EIF4E: variants seen among roughly 807,000 people sequenced by gnomAD.
The protein encoded by EIF4E is eukaryotic translation initiation factor 4E.
For missense variants in EIF4E, 113 were observed against 265.6 expected (o/e 0.43, Z 3.99); for synonymous variants, 71 against 88.5 (o/e 0.80, Z 1.11).
chr4:98,910,790 C>T (rs1288594116), intron 1 of EIF4E, among the ~76,000 whole-genome samples: 1 of 151,570 alleles, frequency 6.6e-6, no homozygotes, highest in Non-Finnish European at 1.5e-5. Flanking sequence ...AGTGCAGTGG[C>T]ATGATCTCGG....
intron 1 of EIF4E, among the ~76,000 whole-genome samples, chr4:98,921,259 A>G (rs1270931750): frequency 6.6e-6 from 1 of 152,216 alleles, no homozygotes; most frequent in East Asian, 1.9e-4. Context: ...TTCTTGCCTT[A>G]GTTAATACTT....
At chr4:98,886,235 C>A in intron 5 of EIF4E, 1 of 205,546 alleles carries the variant, frequency 4.9e-6, no homozygotes, top group Non-Finnish European at 1.0e-5. Flanking sequence ...GTTTCAAGTG[C>A]TAGGGATACA....
chr4:98,879,655 T>G lies in EIF4E; in HGVS notation c.*1373A>C, dbSNP rs1251962212. On this transcript the variant is annotated 3_prime_UTR_variant, in exon 7 of 7. Coordinates refer to ENST00000450253, the MANE Select transcript of EIF4E (RefSeq NM_001968.5). ...TTAATGCATATGTCCCCACCACCTG[T>G]ACTTTCCCTACACTATCATTTTGAC... The G allele has an allele frequency of 6.6e-6, 1 of 150,656 alleles. No individual in the cohort carries two copies. Among genetic ancestry groups the G allele is most frequent in the Admixed American group, 6.6e-5 (1 of 15,136 alleles). The allele number at this position is 150,656 out of a possible 1,614,324, so 9.3% of individuals were successfully genotyped here. A position where few individuals can be genotyped will look rare whatever the true frequency, so the allele number is the denominator to read the frequency against.
At chr4:98,915,065 T>G (rs557519656) in intron 1 of EIF4E, among the ~76,000 whole-genome samples, 2 of 152,310 alleles carry the variant, frequency 1.3e-5, no homozygotes, top group South Asian at 4.1e-4. Flanking sequence ...CGCCTCAGCC[T>G]TCTGAGTAGC....
intron 1 of EIF4E, among the ~76,000 whole-genome samples, chr4:98,905,586 A>G (rs914039730): frequency 6.6e-6 from 1 of 152,210 alleles, no homozygotes; most frequent in African/African-American, 2.4e-5. Flanking sequence ...TCTTGGGGGC[A>G]ATGAAAGCCA....
chr4:98,925,518 T>A (rs897137646), intron 1 of EIF4E, among the ~76,000 whole-genome samples: 1 of 152,314 alleles, frequency 6.6e-6, no homozygotes, highest in African/African-American at 2.4e-5. Context: ...TTTGCCAAAT[T>A]ATCCGTTAAG....
rs139607926 is a variant in EIF4E at position 98,889,654 on chromosome 4, T to C, written c.221+1583A>G. On this transcript the variant is annotated intron_variant, in intron 3 of 6. Coordinates refer to ENST00000450253, the MANE Select transcript of EIF4E (RefSeq NM_001968.5). ...AAAAATCCTTCATATCTCTAAGTTA[T>C]GGTATAAAAACCTACTATGTAATGA... 2.1e-3 allele frequency among the ~76,000 whole-genome samples: 327 copies of C among 152,352 alleles called. 1 individual carries two copies. The highest frequency in any genetic ancestry group is 6.3e-3 in the African/African-American group (261 of 41,592).
At chr4:98,916,614 G>A (rs1318147512) in intron 1 of EIF4E, among the ~76,000 whole-genome samples, 1 of 152,116 alleles carries the variant, frequency 6.6e-6, no homozygotes, top group Non-Finnish European at 1.5e-5. Flanking sequence ...TAGGGAGTGA[G>A]GGTGAGAGAG....
chr4:98,921,562 A>G (rs1218436865), intron 1 of EIF4E, among the ~76,000 whole-genome samples: 2 of 152,122 alleles, frequency 1.3e-5, no homozygotes, highest in African/African-American at 4.8e-5. Flanking sequence ...AGAGATTACA[A>G]TGACAGTAAT....
chr4:98,911,053 T>A (rs1186665141), intron 1 of EIF4E, among the ~76,000 whole-genome samples: 1 of 147,494 alleles, frequency 6.8e-6, no homozygotes, highest in East Asian at 2.0e-4. Flanking sequence ...GATGAATCCT[T>A]TTTTTTTTCC....
intron 2 of EIF4E, chr4:98,891,649 T>G (rs1029068271): frequency 3.4e-6 from 1 of 294,110 alleles, no homozygotes; most frequent in Non-Finnish European, 6.3e-6. Flanking sequence ...TGATTGCCAC[T>G]AGCCAAAGAG....
At chr4:98,919,332 C>CAAA (rs376097110) in intron 1 of EIF4E, among the ~76,000 whole-genome samples, 2 of 106,870 alleles carry the variant, frequency 1.9e-5, no homozygotes, top group Non-Finnish European at 4.1e-5. Flanking sequence ...AAAAGACTAG[C>CAAA]AAAAAAAAAA....
chr4:98,881,265 G>A (rs555853444), intron 6 of EIF4E, 123 bp from the exon 7 acceptor site: 1 of 1,456,354 alleles, frequency 6.9e-7, no homozygotes, highest in South Asian at 1.4e-5. Flanking sequence ...GAATAAAATA[G>A]GAAATTAATT....
chr4:98,902,596 G>A (rs1372403814), intron 1 of EIF4E, among the ~76,000 whole-genome samples: 1 of 152,024 alleles, frequency 6.6e-6, no homozygotes, highest in Non-Finnish European at 1.5e-5. Flanking sequence ...ACAAAGTTGG[G>A]AAAATCTTCT....
chr4:98,884,742 C>T (rs910339356), intron 6 of EIF4E, among the ~76,000 whole-genome samples, 180 bp downstream of exon 6: 1 of 149,030 alleles, frequency 6.7e-6, no homozygotes, highest in African/African-American at 2.6e-5. Context: ...TGTGAAAAAA[C>T]CCAAAAAAAC....
At chr4:98,890,896 C>T in intron 3 of EIF4E, 1 of 302,288 alleles carries the variant, frequency 3.3e-6, no homozygotes, top group Non-Finnish European at 6.2e-6. Context: ...GAGGACCCAA[C>T]AACGCACTGC....
intron 1 of EIF4E, among the ~76,000 whole-genome samples, chr4:98,921,708 C>G (rs1165539576): frequency 3.3e-5 from 5 of 152,138 alleles, no homozygotes; most frequent in African/African-American, 1.2e-4. Flanking sequence ...TACCCTTTGC[C>G]AGACTTATCA....
rs1723991261 is a variant in EIF4E at position 98,887,940 on chromosome 4, A to G, written c.234T>C (p.His78=). 8 of 1,612,364 alleles carry G rather than the reference A, an allele frequency of 5.0e-6. No individual in the cohort carries two copies. The highest frequency in any genetic ancestry group is 6.8e-6 in the Non-Finnish European group (8 of 1,179,140). ...GCATTAAATTACTAGACAACTGGATATGGTTGTACAGACTAGGTAAAAGAA... is the reference window on the plus strand; with the variant it reads ...GCATTAAATTACTAGACAACTGGATGTGGTTGTACAGACTAGGTAAAAGAA... ...TVEDFWALYN[H]IQLSSNLMPG... The change falls in exon 4 of 7, where the codon CAT becomes CAC. Residue 78 remains histidine, a synonymous_variant. Coordinates refer to ENST00000450253, the MANE Select transcript of EIF4E (RefSeq NM_001968.5). The surrounding 1 kb of genome is among the most constrained non-coding windows in gnomAD (Gnocchi z 4.0).
At chr4:98,905,778 G>C (rs1004292630) in intron 1 of EIF4E, among the ~76,000 whole-genome samples, 5 of 152,134 alleles carry the variant, frequency 3.3e-5, no homozygotes, top group Non-Finnish European at 5.9e-5. Context: ...ATAGCAACAA[G>C]AGAAAGTTGA....
Sources: gnomAD v4.1 joint callset for allele counts (sites outside exome capture counted in the v4.1 genomes callset) on GRCh38, gnomAD v4.1.1 for gene constraint, Gnocchi (gnomAD v3.1) non-coding constraint, MANE v1.5 for transcripts, NCBI Gene and HGNC (gene_info 2026-07-23, HGNC 2026-07-21) for gene names.